The following VWA8 variants were observed in gnomAD, a reference collection of about 807,000 sequenced individuals.
VWA8 encodes von Willebrand factor A domain-containing protein 8.
VWA8 carries 221 observed loss-of-function variants against 241.5 expected under a neutral mutation model. The ratio of observed to expected loss-of-function variants is 0.91; its 90% CI spans 0.82 to 1.02. VWA8 has a LOEUF of 1.02. Among genes scored for constraint, VWA8 ranks in the 50% least tolerant of loss-of-function variants. VWA8 has a pLI of 0.00. For synonymous variants in VWA8, 852 were observed against 827.1 expected, an observed-to-expected ratio of 1.03 and a Z score of -0.52; for missense variants, 2,322 against 2,328.7, an observed-to-expected ratio of 1.00 and a Z score of 0.06.
At chr13:41,619,138 A>G (rs1342607071) in intron 37 of VWA8, among the ~76,000 whole-genome samples, 1 of 150,852 alleles carries the variant, frequency 6.6e-6, no homozygotes, top group Non-Finnish European at 1.5e-5. Context: ...TTTGTGTCCT[A>G]TTTCATTGAA....
intron 1 of VWA8, among the ~76,000 whole-genome samples, chr13:41,959,493 C>CAAAAAAAA (rs59960898): frequency 6.2e-4 from 47 of 76,340 alleles, no homozygotes; most frequent in Middle Eastern, 7.2e-3. Flanking sequence ...TGAGAAAAAG[C>CAAAAAAAA]AAAAAAAAAA....
intron 2 of VWA8, among the ~76,000 whole-genome samples, chr13:41,931,323 T>G (rs1489367448): frequency 7.2e-6 from 1 of 138,870 alleles, no homozygotes; most frequent in African/African-American, 2.7e-5. Context: ...TGAGCTCACT[T>G]ATATGTGGAA....
chr13:41,800,011 G>A (rs139202883), intron 17 of VWA8, among the ~76,000 whole-genome samples: 93 of 152,168 alleles, frequency 6.1e-4, no homozygotes, highest in Admixed American at 1.3e-3. Flanking sequence ...CTCTATTCTG[G>A]ATATTTCATG....
chr13:41,884,958 C>CT (rs1874450565), intron 8 of VWA8, among the ~76,000 whole-genome samples: 1 of 152,002 alleles, frequency 6.6e-6, no homozygotes, highest in African/African-American at 2.4e-5. Context: ...AGTCTCTTGC[C>CT]TAAGATAGTA....
intron 41 of VWA8, 113 bp downstream of exon 41, chr13:41,590,527 C>A: frequency 7.5e-6 from 8 of 1,059,892 alleles, no homozygotes; most frequent in Non-Finnish European, 1.0e-5. Flanking sequence ...ATAATGCTTT[C>A]CTTGGTTACC....
At chr13:41,805,039 A>G (rs1297649660) in intron 17 of VWA8, among the ~76,000 whole-genome samples, 1 of 152,190 alleles carries the variant, frequency 6.6e-6, no homozygotes, top group Non-Finnish European at 1.5e-5. Flanking sequence ...AAACAACAAA[A>G]TGGCAAGAAT....
intron 4 of VWA8, among the ~76,000 whole-genome samples, chr13:41,895,227 C>G (rs1250781799): frequency 1.3e-5 from 2 of 152,068 alleles, no homozygotes; most frequent in African/African-American, 4.8e-5. Context: ...AACCCTATGA[C>G]AGTCCTCTGA....
chr13:41,943,748 AG>A (rs1420213759), intron 2 of VWA8, among the ~76,000 whole-genome samples: 1 of 152,188 alleles, frequency 6.6e-6, no homozygotes, highest in African/African-American at 2.4e-5. Context: ...AGAAATACAA[AG>A]GGCCAATAAG....
At chr13:41,637,058 T>C (rs1039126776) in intron 37 of VWA8, among the ~76,000 whole-genome samples, 8 of 151,020 alleles carry the variant, frequency 5.3e-5, no homozygotes, top group African/African-American at 1.7e-4. Flanking sequence ...AGCCATCCCA[T>C]TACTGGGTAT....
At chr13:41,851,944 A>G (rs935326959) in intron 12 of VWA8, among the ~76,000 whole-genome samples, 1 of 152,142 alleles carries the variant, frequency 6.6e-6, no homozygotes, top group African/African-American at 2.4e-5. Flanking sequence ...TTGTATATAC[A>G]CCCAGAAGTG....
chr13:41,874,864 T>C (rs1361656524), intron 9 of VWA8, among the ~76,000 whole-genome samples: 4 of 152,102 alleles, frequency 2.6e-5, no homozygotes, highest in Non-Finnish European at 4.4e-5. Flanking sequence ...AAACCATTAC[T>C]GCTCTCCTCA....
In VWA8 at chr13:41,883,035, C is replaced by T. The variant is rs1341844412; in HGVS notation, c.1080+352G>A. ...CCAATACCTTAGAGTTTTTTCTTGC[C>T]TTCCCCCTTTCCATGGTTATAAATC... On this transcript the variant is annotated intron_variant, in intron 9 of 44. Transcript: ENST00000379310. Among the ~76,000 whole-genome samples, 4 of 152,042 alleles carry T rather than the reference C, an allele frequency of 2.6e-5. No homozygotes were observed. The South Asian group carries it at 6.2e-4, about 24-fold the overall frequency.
intron 12 of VWA8, among the ~76,000 whole-genome samples, chr13:41,859,638 A>T (rs926332633): frequency 8.5e-5 from 13 of 152,304 alleles, no homozygotes; most frequent in Admixed American, 2.6e-4. Context: ...CAACACTATG[A>T]AATCACTGGT....
Position 41,570,485 on chromosome 13 carries a change from T to TAAAG in VWA8, c.5588_5591dup (p.Leu1864PhefsTer4). The stretch of plus-strand genomic sequence containing the variant: ...ACACTTACCTGGTTGCTTGATCACC[T>TAAAG]AAAGAGCCAATAAAAATGGCAAAAG... On this transcript the variant is annotated frameshift_variant, in exon 44 of 45. Coordinates refer to ENST00000379310, the MANE Select transcript of VWA8 (RefSeq NM_015058.2). LOFTEE classifies it high-confidence loss of function. 6.2e-7 allele frequency: 1 copy of TAAAG among 1,614,152 alleles called. No individual in the cohort carries two copies. The highest frequency in any genetic ancestry group is 8.5e-7 in the Non-Finnish European group (1 of 1,180,014).
intron 35 of VWA8, among the ~76,000 whole-genome samples, chr13:41,677,329 GC>G (rs1390939085): frequency 6.6e-6 from 1 of 152,142 alleles, no homozygotes; most frequent in Non-Finnish European, 1.5e-5. Flanking sequence ...CTATTCCACA[GC>G]CCTGAGTAAC....
At chr13:41,852,774 T>C (rs1050121903) in intron 12 of VWA8, among the ~76,000 whole-genome samples, 2 of 152,152 alleles carry the variant, frequency 1.3e-5, no homozygotes, top group African/African-American at 4.8e-5. Context: ...CCATTAATAG[T>C]ATATTATTTC....
intron 40 of VWA8, among the ~76,000 whole-genome samples, chr13:41,594,922 G>C (rs1299820083): frequency 6.6e-6 from 1 of 152,130 alleles, no homozygotes; most frequent in Non-Finnish European, 1.5e-5. Flanking sequence ...GAAGAATTTG[G>C]GTTTAAATTT....
rs549599126 is a variant in VWA8, at chr13:41,951,722, C to A, written c.164-1709G>T. 1.9e-3 allele frequency among the ~76,000 whole-genome samples: 295 copies of A among 152,304 alleles called. 2 individuals carry two copies. The highest frequency in any genetic ancestry group is 6.4e-3 in the African/African-American group (267 of 41,566). ...TTTAAAGCTAGCAAGATACCTTGAA[C>A]ACTAAGGCCTTAAATCATGGTACTA... On this transcript the variant is annotated intron_variant, in intron 1 of 44. Transcript: ENST00000379310.
Position 41,916,464 on chromosome 13 carries a change from A to G in VWA8, c.242-4296T>C, listed in dbSNP as rs1284849983. 2.0e-5 allele frequency among the ~76,000 whole-genome samples: 3 copies of G among 152,310 alleles called. No homozygotes were observed. In the East Asian group the frequency reaches 5.8e-4, roughly 29 times the overall value. ...ACTTGCTGTTCCAGCCATTAGTTCT[A>G]CTTCTTTTTGGTGGTATCAATGGTA... is the stretch of plus-strand genomic sequence containing the variant. On this transcript the variant is annotated intron_variant, in intron 2 of 44. Coordinates refer to ENST00000379310, the MANE Select transcript of VWA8 (RefSeq NM_015058.2).
Sources: allele counts gnomAD v4.1 joint callset (sites outside exome capture counted in the v4.1 genomes callset), GRCh38; gene constraint gnomAD v4.1.1; transcripts MANE v1.5; gene names NCBI Gene and HGNC (gene_info 2026-07-23, HGNC 2026-07-21).